Variants in LMNTD1 observed in about 807,000 individuals in gnomAD.
The protein encoded by LMNTD1 is lamin tail domain containing 1.
Under a neutral mutation model 50.9 loss-of-function variants are expected in LMNTD1, and 35 were observed. That is an observed-to-expected ratio of 0.69 (90% confidence interval 0.53 to 0.91). The LOEUF is 0.91. LMNTD1 is among the 40% of genes least tolerant of loss of function. The pLI, the probability that LMNTD1 is intolerant of heterozygous loss-of-function variation, is 0.00. For synonymous variants in LMNTD1, 153 were observed against 161.9 expected (o/e 0.94, Z 0.42); for missense variants, 470 against 475.5 (o/e 0.99, Z 0.11).
intron 4 of LMNTD1, among the ~76,000 whole-genome samples, chr12:25,537,621 G>T (rs1942702280): frequency 6.6e-6 from 1 of 151,480 alleles, no homozygotes; most frequent in African/African-American, 2.4e-5. Context: ...CAAAGATGGG[G>T]AAAAAACAGA....
At chr12:25,645,157 A>G (rs1947040509) in intron 1 of LMNTD1, among the ~76,000 whole-genome samples, 1 of 152,194 alleles carries the variant, frequency 6.6e-6, no homozygotes, top group South Asian at 2.1e-4. Flanking sequence ...AGGCATAGAG[A>G]AAATGGCTAG....
At chr12:25,554,654 G>A (rs1442189418), upstream of LMNTD1, among the ~76,000 whole-genome samples, 1 of 152,180 alleles carries the variant, frequency 6.6e-6, no homozygotes, top group East Asian at 1.9e-4. Context: ...GTGGCATTTG[G>A]TAGACAGAAC....
Position 25,518,834 on chromosome 12 carries a change from G to C in LMNTD1, c.1150C>G (p.Gln384Glu). ...TSTAGGRLDR[Q>E]PRTRSTRPNR... ...GGTCTGGTTGACCGAGTCCTGGGCT[G>C]TCTATCCAATCTGCCTCCAGCGGTG... is the stretch of plus-strand genomic sequence containing the variant. The change falls in exon 8 of 10, where the codon CAG (glutamine) becomes GAG (glutamate). Residue 384 changes from glutamine to glutamate, a missense_variant. Gln to Glu is a conservative substitution (Grantham distance 29). Coordinates refer to ENST00000458174, the MANE Select transcript of LMNTD1 (RefSeq NM_001145728.2). 6.2e-7 allele frequency: 1 copy of C among 1,614,140 alleles called. No homozygotes were observed. The highest frequency in any genetic ancestry group is 8.5e-7 in the Non-Finnish European group (1 of 1,180,026).
chr12:25,517,685 T>G (rs530270064), intron 8 of LMNTD1, among the ~76,000 whole-genome samples: 93 of 141,424 alleles, frequency 6.6e-4, no homozygotes, highest in African/African-American at 2.2e-3. Context: ...TGTGCACATG[T>G]ACCCTAAAAC....
At chr12:25,482,996 C>T (rs1263389304) in intron 9 of LMNTD1, among the ~76,000 whole-genome samples, 2 of 152,008 alleles carry the variant, frequency 1.3e-5, no homozygotes, top group Non-Finnish European at 2.9e-5. Flanking sequence ...ACAACTGCCA[C>T]ACAGTTCAGT....
chr12:25,578,943 T>G (rs921474680), intron 1 of LMNTD1, among the ~76,000 whole-genome samples: 1 of 152,222 alleles, frequency 6.6e-6, no homozygotes, highest in African/African-American at 2.4e-5. Flanking sequence ...CAAATTAAGC[T>G]GATCTAATTT....
At chr12:25,636,299 AC>A (rs141450843) in intron 1 of LMNTD1, among the ~76,000 whole-genome samples, 4,798 of 152,226 alleles carry the variant, frequency 0.032, 92 homozygotes, top group Non-Finnish European at 0.046. Flanking sequence ...ATTAAAAAAA[AC>A]ATCCCATCAA....
chr12:25,602,938 A>T (rs1946011680), intron 1 of LMNTD1, among the ~76,000 whole-genome samples: 1 of 152,074 alleles, frequency 6.6e-6, no homozygotes, highest in African/African-American at 2.4e-5. Flanking sequence ...ATAAATTCAC[A>T]CTGAAAAACA....
chr12:25,548,238 T>G (rs1326748871), intron 3 of LMNTD1, among the ~76,000 whole-genome samples: 1 of 151,778 alleles, frequency 6.6e-6, no homozygotes, highest in Non-Finnish European at 1.5e-5. Context: ...TGTCAAAGAT[T>G]TTTTTAAAAT....
intron 1 of LMNTD1, among the ~76,000 whole-genome samples, chr12:25,584,056 G>A (rs1382856): frequency 0.17 from 25,186 of 152,034 alleles, 2,475 homozygotes; most frequent in East Asian, 0.33. Context: ...AGATGTGTTC[G>A]GACTCTGGAT....
At chr12:25,536,323 T>C (rs1942577391) in intron 4 of LMNTD1, among the ~76,000 whole-genome samples, 1 of 152,150 alleles carries the variant, frequency 6.6e-6, no homozygotes, top group South Asian at 2.1e-4. Context: ...ATATCCTGGC[T>C]ATAAAAGAAG....
At chr12:25,481,793 T>A (rs1463069393) in intron 9 of LMNTD1, among the ~76,000 whole-genome samples, 1 of 150,588 alleles carries the variant, frequency 6.6e-6, no homozygotes, top group African/African-American at 2.5e-5. Context: ...GCACTCAGGT[T>A]CTTTCAAATC....
chr12:25,610,385 C>T (rs904581026), intron 1 of LMNTD1, among the ~76,000 whole-genome samples: 9 of 152,110 alleles, frequency 5.9e-5, no homozygotes, highest in African/African-American at 1.9e-4. Context: ...CCAGGTACCT[C>T]AGTTGGAAAT....
chr12:25,584,586 T>A (rs1945443845), intron 1 of LMNTD1, among the ~76,000 whole-genome samples: 1 of 152,240 alleles, frequency 6.6e-6, no homozygotes, highest in South Asian at 2.1e-4. Flanking sequence ...AGGTCTCCCA[T>A]CTTGCAAATG....
At chr12:25,562,781 T>A (rs538794395) in intron 1 of LMNTD1, among the ~76,000 whole-genome samples, 1 of 152,226 alleles carries the variant, frequency 6.6e-6, no homozygotes, top group Non-Finnish European at 1.5e-5. Context: ...ACCAATCCGA[T>A]GTAGATTTGG....
At chr12:25,642,008 CAA>C (rs1188264127) in intron 1 of LMNTD1, among the ~76,000 whole-genome samples, 4 of 152,082 alleles carry the variant, frequency 2.6e-5, no homozygotes, top group Non-Finnish European at 4.4e-5. Flanking sequence ...TTCAGCAACC[CAA>C]GAGTTTTCCT....
chr12:25,619,244 CTCTCTCTCTATATATA>C (rs1488486691), intron 1 of LMNTD1, among the ~76,000 whole-genome samples: 4 of 73,646 alleles, frequency 5.4e-5, no homozygotes, highest in Non-Finnish European at 1.1e-4. Flanking sequence ...CTCTCTCTCT[CTCTCTCTCTATATATA>C]TATATATATA....
In LMNTD1 at chr12:25,498,165, CA is replaced by C. The variant is rs1332230370; in HGVS notation, c.*22+5572del. Among the ~76,000 whole-genome samples the C allele has an allele frequency of 2.0e-4, 30 of 152,234 alleles. 1 individual carries two copies. Among genetic ancestry groups the C allele is most frequent in the African/African-American group, 4.8e-4 (20 of 41,554 alleles). ...GTCAACATTAATAATTGGCATATTT[CA>C]TTTTTTTAAACTTTTAGACTGTTGA... On this transcript the variant is annotated intron_variant, in intron 9 of 9. Coordinates refer to ENST00000458174, the MANE Select transcript of LMNTD1 (RefSeq NM_001145728.2).
chr12:25,640,699 C>T (rs866544491), intron 1 of LMNTD1, among the ~76,000 whole-genome samples: 2 of 151,126 alleles, frequency 1.3e-5, no homozygotes, highest in African/African-American at 4.9e-5. Context: ...CTCGCTCTGT[C>T]GCCCAGGCCC....
Sources: gnomAD v4.1 joint callset for allele counts (sites outside exome capture counted in the v4.1 genomes callset) on GRCh38, gnomAD v4.1.1 for gene constraint, MANE v1.5 for transcripts, NCBI Gene and HGNC (gene_info 2026-07-23, HGNC 2026-07-21) for gene names.